Variants in SOBP observed in about 807,000 individuals in gnomAD.
SOBP encodes sine oculis binding protein homolog.
SOBP carries 4 observed loss-of-function variants against 53.6 expected under a neutral mutation model. That is an observed-to-expected ratio of 0.07 (90% CI 0.04 to 0.17). SOBP has a LOEUF of 0.17. Among genes scored for constraint, SOBP ranks in the 10% least tolerant of loss-of-function variants. The pLI is 1.00. For missense variants in SOBP, 1,088 were observed against 1,204.7 expected, an observed-to-expected ratio of 0.90 and a Z score of 1.43; for synonymous variants, 584 against 522.6, an observed-to-expected ratio of 1.12 and a Z score of -1.60.
At chr6:107,571,297 A>G (rs1198093381) in intron 4 of SOBP, among the ~76,000 whole-genome samples, 1 of 152,208 alleles carries the variant, frequency 6.6e-6, no homozygotes, top group African/African-American at 2.4e-5. Flanking sequence ...AATGGTAGGG[A>G]TGATGTTGAG....
chr6:107,620,522 A>G (rs1786964436), intron 5 of SOBP, among the ~76,000 whole-genome samples: 1 of 152,184 alleles, frequency 6.6e-6, no homozygotes, highest in South Asian at 2.1e-4. Context: ...AGCCAATGAG[A>G]CAGCAGGGCC....
At chr6:107,646,607 A>G (rs756056571) in intron 6 of SOBP, among the ~76,000 whole-genome samples, 3 of 152,194 alleles carry the variant, frequency 2.0e-5, no homozygotes, top group East Asian at 1.9e-4. Context: ...GGCTTGCTCT[A>G]TATTCCTTAG....
intron 1 of SOBP, among the ~76,000 whole-genome samples, chr6:107,491,246 G>T (rs909386018): frequency 3.3e-5 from 5 of 152,158 alleles, no homozygotes; most frequent in Non-Finnish European, 5.9e-5. Flanking sequence ...CGAGAGGCGC[G>T]GGTCTGGGCA....
chr6:107,634,090 C>A lies in SOBP; in HGVS notation c.1246C>A (p.Pro416Thr). 1.2e-6 allele frequency: 2 copies of A among 1,600,756 alleles called. No individual in the cohort carries two copies. The highest frequency in any genetic ancestry group is 2.2e-5 in the East Asian group (1 of 44,720). The change falls in exon 6 of 7, where the codon CCG (proline) becomes ACG (threonine). Residue 416 changes from proline (P) to threonine (T), a missense_variant. By Grantham distance (38) the Pro-to-Thr change is conservative. Coordinates refer to ENST00000317357, the MANE Select transcript of SOBP (RefSeq NM_018013.4). The surrounding 1 kb of genome is among the most constrained non-coding windows in gnomAD (Gnocchi z 4.5). ...CCGCCCGCCCTTCATCCGCGGGCCT[C>A]CGCACCATGCCTCCAACCCCAACAG... ...QIRPPFIRGP[P>T]HHASNPNSPL... is the part of the protein sequence containing the mutation.
intron 4 of SOBP, among the ~76,000 whole-genome samples, chr6:107,574,737 G>C (rs12190122): frequency 0.14 from 20,847 of 152,038 alleles, 1,761 homozygotes; most frequent in African/African-American, 0.25. Context: ...AACACATGGA[G>C]AGTCCACCCT....
At chr6:107,654,119 A>G (rs911750147) in intron 6 of SOBP, among the ~76,000 whole-genome samples, 1 of 152,208 alleles carries the variant, frequency 6.6e-6, no homozygotes, top group African/African-American at 2.4e-5. Flanking sequence ...GAAGAGAAAT[A>G]TTTCATTCCT....
At chr6:107,592,529 C>T (rs1023113224) in intron 5 of SOBP, among the ~76,000 whole-genome samples, 4 of 152,284 alleles carry the variant, frequency 2.6e-5, no homozygotes, top group East Asian at 1.9e-4. Flanking sequence ...GCCAGATTTA[C>T]GCCCCAGCTC....
At position 107,558,510 on chromosome 6, in the gene SOBP, C is replaced by T. The variant is rs547889245; in HGVS notation, c.573+24900C>T. Among the ~76,000 whole-genome samples, 585 of 151,826 alleles carry T rather than the reference C, an allele frequency of 3.9e-3. 4 individuals carry two copies. The highest frequency in any genetic ancestry group is 0.013 in the African/African-American group (549 of 41,414). ...GTCTCGAACTCCTGACCTCGTGATC[C>T]GCCCGCCTCGGCCTCCCAAAGTGCT... On this transcript the variant is annotated intron_variant, in intron 4 of 6. Transcript: ENST00000317357.
rs560134428 is a variant in SOBP, at chr6:107,660,757, G to A, written c.*2554G>A. ...TTGTTCTACATATGAAAAAACAGAA[G>A]CCTAGAAAAGCAACTCGACCTGTTC... On this transcript the variant is annotated 3_prime_UTR_variant, in exon 7 of 7. Transcript: ENST00000317357. 6.6e-6 allele frequency among the ~76,000 whole-genome samples: 1 copy of A among 152,254 alleles called. No homozygotes were observed. Among genetic ancestry groups the A allele is most frequent in the Admixed American group, 6.5e-5 (1 of 15,298 alleles).
intron 4 of SOBP, among the ~76,000 whole-genome samples, chr6:107,582,799 A>T (rs1276769000): frequency 2.0e-5 from 3 of 152,212 alleles, no homozygotes; most frequent in Non-Finnish European, 4.4e-5. Context: ...AAAAAGTCAG[A>T]CGTGAACACA....
chr6:107,518,572 T>A lies in SOBP; in HGVS notation c.421+12145T>A, dbSNP rs377464319. On this transcript the variant is annotated intron_variant, in intron 3 of 6. Transcript: ENST00000317357. ...ATATGTGAGCCAAAGGCACATAAAA[T>A]AATCTTCATAGCAGCATTTATTCAT... is the stretch of plus-strand genomic sequence containing the variant. Among the ~76,000 whole-genome samples the A allele has an allele frequency of 8.4e-4, 128 of 152,286 alleles. 1 individual carries two copies. In the South Asian group the frequency reaches 0.026, roughly 31 times the overall value.
intron 6 of SOBP, chr6:107,636,343 A>T (rs1273512907): frequency 1.3e-5 from 2 of 152,298 alleles, no homozygotes; most frequent in Admixed American, 1.3e-4. Context: ...GAGTGAGTTA[A>T]ATTTTTCAAT....
intron 4 of SOBP, among the ~76,000 whole-genome samples, chr6:107,583,242 G>A (rs1223457915): frequency 6.6e-6 from 1 of 152,204 alleles, no homozygotes; most frequent in Non-Finnish European, 1.5e-5. Context: ...TGGCTGGGCT[G>A]AAGATACAGT....
At chr6:107,584,523 A>G (rs534913382) in intron 4 of SOBP, among the ~76,000 whole-genome samples, 2 of 152,272 alleles carry the variant, frequency 1.3e-5, no homozygotes, top group South Asian at 4.1e-4. Flanking sequence ...AAACACAGCA[A>G]ATGGCTGAAG....
At chr6:107,533,762 T>C in intron 4 of SOBP, 152 bp downstream of exon 4, 1 of 1,004,410 alleles carries the variant, frequency 1.0e-6, no homozygotes, top group South Asian at 1.5e-5. Flanking sequence ...GTGTCATGCT[T>C]AACCTTTTGG....
In SOBP at chr6:107,490,715, AT is replaced by A; in HGVS notation, c.96+9del. ...GGGAGATCAATGAGGAGATGAAGGT[AT>A]TTTTTGATCTCGGGGGCCAGGGAGA... is the stretch of plus-strand genomic sequence containing the variant. On this transcript the variant is annotated splice_donor_region_variant and intron_variant, in intron 1 of 6. Transcript: ENST00000317357. The A allele has an allele frequency of 2.5e-6, 4 of 1,589,098 alleles. No individual in the cohort carries two copies. The highest frequency in any genetic ancestry group is 3.4e-6 in the Non-Finnish European group (4 of 1,164,502).
chr6:107,626,983 G>A (rs1164231179), intron 5 of SOBP, among the ~76,000 whole-genome samples: 1 of 152,134 alleles, frequency 6.6e-6, no homozygotes, highest in African/African-American at 2.4e-5. Flanking sequence ...GATTTCTTAG[G>A]TGATTTCTGT....
In SOBP at chr6:107,534,065, G is replaced by A. The variant is rs372710051; in HGVS notation, c.573+455G>A. Among the ~76,000 whole-genome samples, 11 of 152,322 alleles carry A rather than the reference G, an allele frequency of 7.2e-5. No homozygotes were observed. The East Asian group carries it at 1.5e-3, about 21-fold the overall frequency. On this transcript the variant is annotated intron_variant, in intron 4 of 6. Transcript: ENST00000317357. Reference sequence around the variant, plus strand: ...GCTCTTTTCAAAATCTGGCCCACGAGTTCTTGTCAAGAAAAATGTCAAGTC... The same window carrying A: ...GCTCTTTTCAAAATCTGGCCCACGAATTCTTGTCAAGAAAAATGTCAAGTC...
rs757666107 is a variant in SOBP, at chr6:107,634,709, A to G, written c.1865A>G (p.Asp622Gly). 2.8e-6 allele frequency: 4 copies of G among 1,405,146 alleles called. No individual in the cohort carries two copies. Among genetic ancestry groups the G allele is most frequent in the Non-Finnish European group, 3.7e-6 (4 of 1,086,418 alleles). The allele number at this position is 1,405,146 out of a possible 1,614,324, so 87.0% of individuals were successfully genotyped here. ...PAEHGRSEVVDLTRRAGSPPG... is the reference protein window; with the variant it reads ...PAEHGRSEVVGLTRRAGSPPG... Reference sequence around the variant, plus strand: ...GAGCATGGCCGGAGCGAGGTGGTGGACCTGACGCGGCGCGCCGGCAGCCCC... The same window carrying G: ...GAGCATGGCCGGAGCGAGGTGGTGGGCCTGACGCGGCGCGCCGGCAGCCCC... Residue 622 changes from aspartate to glycine, a missense_variant, in exon 6 of 7, where the codon GAC (aspartate) becomes GGC (glycine). Physicochemically the swap from Asp to Gly is moderately conservative, Grantham distance 94. This residue lies in a region of SOBP where 665 missense variants were observed against 629.7 expected (regional missense o/e 1.06). Coordinates refer to ENST00000317357, the MANE Select transcript of SOBP (RefSeq NM_018013.4). This position sits in a 1 kb window ranked among gnomAD's most constrained non-coding sequence, Gnocchi z 4.5.
Sources: gnomAD v4.1 joint callset for allele counts (sites outside exome capture counted in the v4.1 genomes callset) on GRCh38, gnomAD v4.1.1 for gene constraint, gnomAD v4.1.1 regional missense constraint, Gnocchi (gnomAD v3.1) non-coding constraint, MANE v1.5 for transcripts, NCBI Gene and HGNC (gene_info 2026-07-23, HGNC 2026-07-21) for gene names.